C22orf39: variants seen among roughly 807,000 people sequenced by gnomAD.
C22orf39 encodes the protein synaptic plasticity regulator PANTS.
In C22orf39, 20 loss-of-function variants were observed where a neutral mutation model predicts 18.3. The observed-to-expected ratio is 1.09, with a 90% confidence interval of 0.77 to 1.59. The LOEUF (loss-of-function observed/expected upper bound fraction) is 1.59, where lower values mean the gene tolerates loss of function less well. Among genes scored for constraint, C22orf39 ranks in the 40% most tolerant of loss-of-function variants. The pLI, the probability that C22orf39 is intolerant of heterozygous loss-of-function variation, is 0.00. For synonymous variants in C22orf39, 63 were observed against 59.6 expected (o/e 1.06, Z -0.26); for missense variants, 195 against 156.1 (o/e 1.25, Z -1.33).
At chr22:19,446,940 G>T (rs182321094) in intron 2 of C22orf39, among the ~76,000 whole-genome samples, 2 of 152,078 alleles carry the variant, frequency 1.3e-5, no homozygotes, top group African/African-American at 4.8e-5. Context: ...TCTAAACTCC[G>T]TATCAAAAGG....
chr22:19,447,472 T>C lies in C22orf39; in HGVS notation c.98A>G (p.Tyr33Cys), dbSNP rs193193476. 1,416 of 1,521,454 alleles carry C rather than the reference T, an allele frequency of 9.3e-4. 17 individuals carry two copies. In the African/African-American group the frequency reaches 0.019, roughly 20 times the overall value. The allele number at this position is 1,521,454 out of a possible 1,614,324, so 94.2% of individuals were successfully genotyped here. The change falls in exon 2 of 3, where the codon TAC (tyrosine) becomes TGC (cysteine). Residue 33 changes from tyrosine (Y) to cysteine (C), a missense_variant. Transcript: ENST00000399562. ...GGCCGGCCGCTCGCCGTGGACGTAG[T>C]AGTGGTGTAGGAAGTGCCTGGCGCT... Reference protein sequence around the residue: ...CRSARHFLHHYYVHGERPACE... With the variant: ...CRSARHFLHHCYVHGERPACE...
Position 19,444,323 on chromosome 22 carries a change from G to A in C22orf39, c.260C>T (p.Pro87Leu), listed in dbSNP as rs1302087910. The change falls in exon 3 of 3, where the codon CCG becomes CTG. Residue 87 changes from proline (P) to leucine (L), a missense_variant. Coordinates refer to ENST00000399562, the MANE Select transcript of C22orf39 (RefSeq NM_173793.5). Reference sequence around the variant, plus strand: ...CCAGTCTGGAGGGGGGCTCTGCCTCGGGGCCCACACCAGGATGTGCTTCCG... The same window carrying A: ...CCAGTCTGGAGGGGGGCTCTGCCTCAGGGCCCACACCAGGATGTGCTTCCG... ...AARKHILVWA[P>L]RQSPPPDWHL... The A allele has an allele frequency of 5.6e-6, 9 of 1,600,454 alleles. No homozygotes were observed. Among genetic ancestry groups the A allele is most frequent in the Middle Eastern group, 1.7e-4 (1 of 6,024 alleles).
rs894733703 is a variant in C22orf39 at position 19,444,126 on chromosome 22, T to C, written c.*139A>G. On this transcript the variant is annotated 3_prime_UTR_variant, in exon 3 of 3. Coordinates refer to ENST00000399562, the MANE Select transcript of C22orf39 (RefSeq NM_173793.5). ...AGGGGTGGGCAAGTAGGGCTAGCAA[T>C]GTCCTGCTCCATGTTCCTGTGAGCA... The C allele has an allele frequency of 1.0e-5, 14 of 1,381,954 alleles. No homozygotes were observed. Among genetic ancestry groups the C allele is most frequent in the African/African-American group, 1.5e-5 (1 of 66,224 alleles). 85.6% of individuals were successfully genotyped at this position (1,381,954 alleles called of 1,614,324 possible). A position where few individuals can be genotyped will look rare whatever the true frequency, so the allele number is the denominator to read the frequency against.
intron 1 of C22orf39, 58 bp from the exon 2 acceptor site, chr22:19,447,603 C>T (rs2089650350): frequency 1.0e-5 from 16 of 1,577,186 alleles, no homozygotes; most frequent in Non-Finnish European, 1.4e-5. Context: ...CGCCCCGAGC[C>T]AGTCCCGTTC....
In C22orf39 at chr22:19,441,867, T is replaced by C; in HGVS notation, c.*2398A>G. On this transcript the variant is annotated 3_prime_UTR_variant, in exon 3 of 3. Transcript: ENST00000399562. ...AAGTGCAGTGGGGCACAATCATGGC[T>C]CACTGCAGCCTCAAACTCCTGGGCT... The C allele has an allele frequency of 2.7e-6, 2 of 751,138 alleles. No homozygotes were observed. Among genetic ancestry groups the C allele is most frequent in the Non-Finnish European group, 4.1e-6 (2 of 487,136 alleles). 46.5% of individuals were successfully genotyped at this position (751,138 alleles called of 1,614,324 possible).
chr22:19,443,644 G>A lies in C22orf39; in HGVS notation c.*621C>T. ...ATGCAAGGTTGTGTGTTCTGTAGCTGTGTGCATTTCTTAAAAACCAGAGTC... is the reference window on the plus strand; with the variant it reads ...ATGCAAGGTTGTGTGTTCTGTAGCTATGTGCATTTCTTAAAAACCAGAGTC... On this transcript the variant is annotated 3_prime_UTR_variant, in exon 3 of 3. Coordinates refer to ENST00000399562, the MANE Select transcript of C22orf39 (RefSeq NM_173793.5). 1 of 985,348 alleles carries A rather than the reference G, an allele frequency of 1.0e-6. No homozygotes were observed. Among genetic ancestry groups the A allele is most frequent in the Non-Finnish European group, 1.2e-6 (1 of 829,918 alleles). 61.0% of individuals were successfully genotyped at this position (985,348 alleles called of 1,614,324 possible). A position where few individuals can be genotyped will look rare whatever the true frequency, so the allele number is the denominator to read the frequency against.
Position 19,444,152 on chromosome 22 carries a change from A to G in C22orf39, c.*113T>C, listed in dbSNP as rs2089628009. 10 of 1,419,626 alleles carry G rather than the reference A, an allele frequency of 7.0e-6. No homozygotes were observed. Among genetic ancestry groups the G allele is most frequent in the Non-Finnish European group, 9.1e-6 (10 of 1,095,760 alleles). 87.9% of individuals were successfully genotyped at this position (1,419,626 alleles called of 1,614,324 possible). On this transcript the variant is annotated 3_prime_UTR_variant, in exon 3 of 3. Transcript: ENST00000399562. ...GTCCTGCTCCATGTTCCTGTGAGCA[A>G]GAGCTCACAGGGACCCACCAGACTG...
In C22orf39 at chr22:19,443,784, CAG is replaced by C. The variant is rs1247674780; in HGVS notation, c.*479_*480del. 1.7e-5 allele frequency: 17 copies of C among 985,022 alleles called. 1 individual carries two copies. In the African/African-American group the frequency reaches 1.7e-4, roughly 10 times the overall value. 61.0% of individuals were successfully genotyped at this position (985,022 alleles called of 1,614,324 possible). A position where few individuals can be genotyped will look rare whatever the true frequency, so the allele number is the denominator to read the frequency against. On this transcript the variant is annotated 3_prime_UTR_variant, in exon 3 of 3. Transcript: ENST00000399562. The stretch of plus-strand genomic sequence containing the variant: ...GTGCAGTGGAACTGAGCGAGTGGAG[CAG>C]AGTGTGAGCACTCACAATGCTCACC...
chr22:19,447,520 C>A lies in C22orf39; in HGVS notation c.50G>T (p.Arg17Leu). The A allele has an allele frequency of 6.8e-7, 1 of 1,479,180 alleles. No individual in the cohort carries two copies. Among genetic ancestry groups the A allele is most frequent in the Non-Finnish European group, 8.9e-7 (1 of 1,119,784 alleles). The allele number at this position is 1,479,180 out of a possible 1,614,324, so 91.6% of individuals were successfully genotyped here. A position where few individuals can be genotyped will look rare whatever the true frequency, so the allele number is the denominator to read the frequency against. The change falls in exon 2 of 3, where the codon CGC becomes CTC. Residue 17 changes from arginine to leucine, a missense_variant. By Grantham distance (102) the Arg-to-Leu change is moderately radical. Coordinates refer to ENST00000399562, the MANE Select transcript of C22orf39 (RefSeq NM_173793.5). ...WQPPRPCEAYRAEWKLCRSAR... is the reference protein window; with the variant it reads ...WQPPRPCEAYLAEWKLCRSAR... ...GCTGCGGCAGAGCTTCCACTCGGCG[C>A]GGTAGGCCTCGCAGGGGCGCGGCGG...
intron 2 of C22orf39, among the ~76,000 whole-genome samples, chr22:19,445,740 T>A (rs2089636002): frequency 6.6e-6 from 1 of 152,152 alleles, no homozygotes; most frequent in South Asian, 2.1e-4. Flanking sequence ...AGTGACACGA[T>A]CTCGGCTCAT....
intron 2 of C22orf39, among the ~76,000 whole-genome samples, chr22:19,446,566 G>A (rs944519808): frequency 6.6e-6 from 1 of 152,096 alleles, no homozygotes; most frequent in African/African-American, 2.4e-5. Flanking sequence ...CTTATCACTC[G>A]TGCATCCCCA....
chr22:19,443,638 G>A lies in C22orf39; in HGVS notation c.*627C>T, dbSNP rs1479444669. ...CTCTTTATGCAAGGTTGTGTGTTCT[G>A]TAGCTGTGTGCATTTCTTAAAAACC... On this transcript the variant is annotated 3_prime_UTR_variant, in exon 3 of 3. Coordinates refer to ENST00000399562, the MANE Select transcript of C22orf39 (RefSeq NM_173793.5). 1 of 985,256 alleles carries A rather than the reference G, an allele frequency of 1.0e-6. No individual in the cohort carries two copies. The highest frequency in any genetic ancestry group is 1.7e-5 in the African/African-American group (1 of 57,176). 61.0% of individuals were successfully genotyped at this position (985,256 alleles called of 1,614,324 possible).
In C22orf39 at chr22:19,445,689, T is replaced by TC. The variant is rs974957828; in HGVS notation, c.193-1300dup. Among the ~76,000 whole-genome samples the TC allele has an allele frequency of 5.1e-3, 783 of 152,264 alleles. 14 individuals carry two copies. The highest frequency in any genetic ancestry group is 0.018 in the African/African-American group (767 of 41,552). ...GGCCATTTGATTTTTTCTTTTTTTT[T>TC]CTTGAGAGGGAGTCTTACTCTGTTG... On this transcript the variant is annotated intron_variant, in intron 2 of 2. Coordinates refer to ENST00000399562, the MANE Select transcript of C22orf39 (RefSeq NM_173793.5).
In C22orf39 at chr22:19,443,340, A is replaced by G. The variant is rs535653165; in HGVS notation, c.*925T>C. 207 of 985,526 alleles carry G rather than the reference A, an allele frequency of 2.1e-4. 1 individual carries two copies. In the African/African-American group the frequency reaches 3.4e-3, roughly 16 times the overall value. 61.0% of individuals were successfully genotyped at this position (985,526 alleles called of 1,614,324 possible). ...CCATAGGATGAGAAACCATTCTATT[A>G]GTAATAAACAGACCTCTTCAAGAAA... On this transcript the variant is annotated 3_prime_UTR_variant, in exon 3 of 3. Transcript: ENST00000399562.
At position 19,440,968 on chromosome 22, in the gene C22orf39, C is replaced by T. The variant is rs576961364; in HGVS notation, c.*3297G>A. ...GGTTGTCTAGGGAGGTCCTGGGTAC[C>T]CTTGCCCCAGCCTCCCCCAATGTTA... is the stretch of plus-strand genomic sequence containing the variant. On this transcript the variant is annotated 3_prime_UTR_variant, in exon 3 of 3. Coordinates refer to ENST00000399562, the MANE Select transcript of C22orf39 (RefSeq NM_173793.5). 1.3e-5 allele frequency: 2 copies of T among 152,220 alleles called. No individual in the cohort carries two copies. The highest frequency in any genetic ancestry group is 3.9e-4 in the East Asian group (2 of 5,182). 9.4% of individuals were successfully genotyped at this position (152,220 alleles called of 1,614,324 possible). A position where few individuals can be genotyped will look rare whatever the true frequency, so the allele number is the denominator to read the frequency against.
At chr22:19,445,699 G>A (rs777229715) in intron 2 of C22orf39, among the ~76,000 whole-genome samples, 4 of 151,978 alleles carry the variant, frequency 2.6e-5, no homozygotes, top group Non-Finnish European at 4.4e-5. Flanking sequence ...TCTTGAGAGG[G>A]AGTCTTACTC....
rs2089610992 is a variant in C22orf39 at position 19,441,250 on chromosome 22, T to G, written c.*3015A>C. ...CTGGTAACCTTTAATCTGTTTTCCA[T>G]CTCTATAATTACATTATTTCACCAA... On this transcript the variant is annotated 3_prime_UTR_variant, in exon 3 of 3. Coordinates refer to ENST00000399562, the MANE Select transcript of C22orf39 (RefSeq NM_173793.5). 5.8e-6 allele frequency: 1 copy of G among 172,576 alleles called. No individual in the cohort carries two copies. Among genetic ancestry groups the G allele is most frequent in the South Asian group, 1.4e-4 (1 of 6,970 alleles). 10.7% of individuals were successfully genotyped at this position (172,576 alleles called of 1,614,324 possible).
intron 2 of C22orf39, among the ~76,000 whole-genome samples, chr22:19,446,238 A>G (rs1318077813): frequency 6.6e-6 from 1 of 152,160 alleles, no homozygotes; most frequent in Non-Finnish European, 1.5e-5. Flanking sequence ...ACGCACATAT[A>G]TATACATTAA....
intron 2 of C22orf39, among the ~76,000 whole-genome samples, chr22:19,446,696 T>TA (rs1248380495): frequency 3.3e-5 from 5 of 152,156 alleles, no homozygotes; most frequent in Admixed American, 3.3e-4. Context: ...GAACTTCTTT[T>TA]ACCCTCTCTC....
Sources: gnomAD v4.1 joint callset for allele counts (sites outside exome capture counted in the v4.1 genomes callset) on GRCh38, gnomAD v4.1.1 for gene constraint, MANE v1.5 for transcripts, NCBI Gene and HGNC (gene_info 2026-07-23, HGNC 2026-07-21) for gene names.